The following ATOSA variants were observed in gnomAD, a reference collection of about 807,000 sequenced individuals.
ATOSA encodes the protein atos homolog A, also known as atos homolog protein A.
the ATOSA span, among the ~76,000 whole-genome samples, chr15:52,672,172 C>CAAAAAAAAAAAAAAAAAAAAAAA: frequency 2.1e-4 from 13 of 62,584 alleles, 2 homozygotes; most frequent in African/African-American, 9.0e-4. Flanking sequence ...CCCCATTTCT[C>CAAAAAAAAAAAAAAAAAAAAAAA]AAAAAAAAAA....
chr15:52,631,852 C>T, the ATOSA span, among the ~76,000 whole-genome samples: 1 of 152,126 alleles, frequency 6.6e-6, no homozygotes, highest in Non-Finnish European at 1.5e-5. Flanking sequence ...ATCCTTCTAC[C>T]TCAGGCTCCC....
At chr15:52,584,080 G>A in the ATOSA span, among the ~76,000 whole-genome samples, 956 of 122,454 alleles carry the variant, frequency 7.8e-3, 15 homozygotes, top group African/African-American at 0.029. Flanking sequence ...GTGAGACTCC[G>A]TCTCAAGAAG....
the ATOSA span, among the ~76,000 whole-genome samples, chr15:52,607,455 T>C: frequency 3.2e-4 from 48 of 152,194 alleles, 1 homozygote; most frequent in Admixed American, 3.1e-3. Flanking sequence ...CAAGGACTTG[T>C]ACAGTCCACA....
chr15:52,668,809 T>C, the ATOSA span, among the ~76,000 whole-genome samples: 1 of 141,096 alleles, frequency 7.1e-6, no homozygotes, highest in African/African-American at 2.6e-5. Context: ...CACCTACTTA[T>C]ATGGAGATAA....
the ATOSA span, among the ~76,000 whole-genome samples, chr15:52,651,616 A>G: frequency 1.3e-5 from 2 of 152,166 alleles, no homozygotes; most frequent in Non-Finnish European, 2.9e-5. Context: ...AGCACATTGT[A>G]CTTGGTTTCT....
the ATOSA span, among the ~76,000 whole-genome samples, chr15:52,700,452 A>G: frequency 2.6e-5 from 4 of 152,172 alleles, no homozygotes. Context: ...ATTTTGAGGG[A>G]AAGAGTCCAT....
chr15:52,704,931 T>C, the ATOSA span, among the ~76,000 whole-genome samples: 10 of 152,290 alleles, frequency 6.6e-5, no homozygotes, highest in East Asian at 1.9e-3. Context: ...TCAACCATTG[T>C]GGAAGACAGT....
chr15:52,652,421 A>C, the ATOSA span, among the ~76,000 whole-genome samples: 4,089 of 152,304 alleles, frequency 0.027, 160 homozygotes, highest in African/African-American at 0.085. Context: ...GGTTCTACCA[A>C]GTGAAACCCT....
the ATOSA span, among the ~76,000 whole-genome samples, chr15:52,685,536 T>C: frequency 6.6e-5 from 10 of 152,218 alleles, no homozygotes; most frequent in East Asian, 1.7e-3. Context: ...CAGGCTTAAA[T>C]GATCCTCCTG....
chr15:52,600,034 C>CT, the ATOSA span: 1 of 510,168 alleles, frequency 2.0e-6, no homozygotes, highest in African/African-American at 2.0e-5. Context: ...TATTTCTTTC[C>CT]TTTTCACAAC....
the ATOSA span, among the ~76,000 whole-genome samples, chr15:52,644,455 TA>T: frequency 6.6e-6 from 1 of 152,224 alleles, no homozygotes; most frequent in Non-Finnish European, 1.5e-5. Flanking sequence ...TCTTAGAATT[TA>T]GCACAAATAA....
chr15:52,645,854 A>G, the ATOSA span, among the ~76,000 whole-genome samples: 2 of 152,222 alleles, frequency 1.3e-5, no homozygotes, highest in Non-Finnish European at 2.9e-5. Context: ...AAACATTGTA[A>G]CAAAAGGAAA....
the ATOSA span, chr15:52,611,336 T>G: frequency 6.5e-7 from 1 of 1,527,074 alleles, no homozygotes; most frequent in Middle Eastern, 1.7e-4. Context: ...CTGAGATCCA[T>G]AAACTTATCA....
chr15:52,688,230 C>A, the ATOSA span, among the ~76,000 whole-genome samples: 1 of 152,130 alleles, frequency 6.6e-6, no homozygotes. Context: ...CAGAAAATGA[C>A]AAAAGGTTAT....
At chr15:52,645,747 T>C in the ATOSA span, among the ~76,000 whole-genome samples, 2 of 152,208 alleles carry the variant, frequency 1.3e-5, no homozygotes, top group African/African-American at 2.4e-5. Context: ...GTAGAAAATA[T>C]TGTCCTTTTC....
chr15:52,605,394 C>T, the ATOSA span: 1 of 547,466 alleles, frequency 1.8e-6, no homozygotes, highest in South Asian at 2.9e-5. Context: ...ATCCCTTATC[C>T]AAAATACTTG....
At chr15:52,639,818 T>A in the ATOSA span, among the ~76,000 whole-genome samples, 1 of 152,146 alleles carries the variant, frequency 6.6e-6, no homozygotes, top group Non-Finnish European at 1.5e-5. Flanking sequence ...TGGCACAATA[T>A]CGGCTCACTG....
At chr15:52,597,974 A>C in the ATOSA span, among the ~76,000 whole-genome samples, 2 of 152,080 alleles carry the variant, frequency 1.3e-5, no homozygotes, top group Non-Finnish European at 2.9e-5. Context: ...AAATACAAAA[A>C]TTAGCTGGGC....
At chr15:52,586,290 C>T in the ATOSA span, 1 of 152,204 alleles carries the variant, frequency 6.6e-6, no homozygotes, top group Non-Finnish European at 1.5e-5. Context: ...ATGTTACATA[C>T]TTCTGTTTCA....
Sources: gnomAD v4.1 joint callset for allele counts (sites outside exome capture counted in the v4.1 genomes callset) on GRCh38, gnomAD v4.1.1 for gene constraint, MANE v1.5 for transcripts, NCBI Gene and HGNC (gene_info 2026-07-23, HGNC 2026-07-21) for gene names.